The following GRAMD4 variants were observed in gnomAD, a reference collection of about 807,000 sequenced individuals.
The protein encoded by GRAMD4 is GRAM domain containing 4.
Under a neutral mutation model 83.9 loss-of-function variants are expected in GRAMD4, and 25 were observed. That is an observed-to-expected ratio of 0.30 (90% CI 0.22 to 0.42). The LOEUF is 0.42. Ranked by LOEUF, GRAMD4 falls within the 10% of genes least tolerant of loss-of-function variation. GRAMD4 has a pLI of 1.00. For missense variants in GRAMD4, 593 were observed against 788.7 expected (o/e 0.75, Z 2.97); for synonymous variants, 336 against 320.9 (o/e 1.05, Z -0.50).
At chr22:46,663,968 C>A (rs560113551) in intron 7 of GRAMD4, 58 bp from the exon 8 acceptor site, 17 of 1,562,160 alleles carry the variant, frequency 1.1e-5, no homozygotes, top group Admixed American at 5.0e-5. Context: ...TCCAGGGAGA[C>A]GTGGTTAAGC....
chr22:46,658,264 C>T lies in GRAMD4; in HGVS notation c.361C>T (p.Arg121Trp). ...RQELDRERQR[R>W]MELEQKVQEV... ...GGAGCTGGACCGCGAGCGGCAGCGG[C>T]GGATGGAGCTGGAGCAGAAGGTGCA... The change falls in exon 4 of 19, where the codon CGG (arginine) becomes TGG (tryptophan). Residue 121 changes from arginine (R) to tryptophan (W), a missense_variant. Arg to Trp is a moderately radical substitution (Grantham distance 101). Around this residue, in one of 4 missense-constraint regions of GRAMD4, gnomAD observed 312 missense variants for 350.7 expected, o/e 0.89. Transcript: ENST00000406902. The T allele has an allele frequency of 1.2e-6, 2 of 1,613,238 alleles. No individual in the cohort carries two copies. Among genetic ancestry groups the T allele is most frequent in the Non-Finnish European group, 1.7e-6 (2 of 1,179,840 alleles).
intron 1 of GRAMD4, among the ~76,000 whole-genome samples, chr22:46,584,195 A>G (rs2081125076): frequency 6.6e-6 from 1 of 151,788 alleles, no homozygotes; most frequent in Non-Finnish European, 1.5e-5. Context: ...TTCCCTGCCC[A>G]GGCCTAGAGT....
rs975829174 is a variant in GRAMD4 at position 46,659,204 on chromosome 22, C to T, written c.404+897C>T. On this transcript the variant is annotated intron_variant, in intron 4 of 18. Transcript: ENST00000406902. The surrounding 1 kb of genome is among the most constrained non-coding windows in gnomAD (Gnocchi z 4.1). ...CCCTCTCAGCCTCCACTCCAGCAGCCTCCTGCTTCGGCCTCCCTCTCAGCC... is the reference window on the plus strand; with the variant it reads ...CCCTCTCAGCCTCCACTCCAGCAGCTTCCTGCTTCGGCCTCCCTCTCAGCC... Among the ~76,000 whole-genome samples, 1 of 152,108 alleles carries T rather than the reference C, an allele frequency of 6.6e-6. No homozygotes were observed. Among genetic ancestry groups the T allele is most frequent in the Non-Finnish European group, 1.5e-5 (1 of 68,012 alleles).
chr22:46,654,651 C>G (rs2082216460), intron 3 of GRAMD4, among the ~76,000 whole-genome samples: 1 of 152,340 alleles, frequency 6.6e-6, no homozygotes, highest in Middle Eastern at 3.4e-3. Flanking sequence ...TGCCTCCACT[C>G]CGTGCACGGC....
chr22:46,656,941 C>A (rs541761594), intron 3 of GRAMD4, among the ~76,000 whole-genome samples: 127 of 152,266 alleles, frequency 8.3e-4, no homozygotes, highest in Non-Finnish European at 1.4e-3. Flanking sequence ...CCATGGGCCA[C>A]AGCCAGCCCT....
At chr22:46,591,854 C>T (rs1346629813) in intron 1 of GRAMD4, among the ~76,000 whole-genome samples, 1 of 100,440 alleles carries the variant, frequency 1.0e-5, no homozygotes, top group Non-Finnish European at 2.1e-5. Context: ...AAAAAAAAAC[C>T]CAGAAAGGCC....
intron 1 of GRAMD4, among the ~76,000 whole-genome samples, chr22:46,600,657 C>CCGGT (rs2081303891): frequency 6.6e-6 from 1 of 152,124 alleles, no homozygotes; most frequent in Admixed American, 6.5e-5. Flanking sequence ...GTGCTAAGCC[C>CCGGT]CGGTCGCAGA....
At chr22:46,643,179 C>G (rs1327599754) in intron 3 of GRAMD4, among the ~76,000 whole-genome samples, 21 of 122,428 alleles carry the variant, frequency 1.7e-4, no homozygotes, top group East Asian at 2.3e-4. Context: ...ATCCATCCAT[C>G]CATCCATCCA....
chr22:46,658,423 TGGAGA>T (rs1289950996), intron 4 of GRAMD4, 116 bp downstream of exon 4: 3 of 1,023,700 alleles, frequency 2.9e-6, no homozygotes, highest in Non-Finnish European at 4.1e-6. Flanking sequence ...TTCTTGGCCC[TGGAGA>T]GGCCTGAGTG....
chr22:46,599,263 G>A (rs926250252), intron 1 of GRAMD4, among the ~76,000 whole-genome samples: 12 of 152,252 alleles, frequency 7.9e-5, no homozygotes, highest in African/African-American at 2.9e-4. Flanking sequence ...TTTGCAGATG[G>A]CTCGTGATTT....
intron 1 of GRAMD4, among the ~76,000 whole-genome samples, chr22:46,601,284 G>T (rs1271383469): frequency 6.6e-6 from 1 of 152,144 alleles, no homozygotes; most frequent in Non-Finnish European, 1.5e-5. Flanking sequence ...CCGTGCAGCT[G>T]CCAGGGGGCA....
upstream of GRAMD4, among the ~76,000 whole-genome samples, chr22:46,618,925 C>T (rs920853651): frequency 1.3e-5 from 2 of 152,224 alleles, no homozygotes; most frequent in African/African-American, 4.8e-5. The surrounding 1 kb of genome is among the most constrained non-coding windows in gnomAD (Gnocchi z 5.8). Context: ...CTGTGCCAGG[C>T]GTGGCATAGT....
chr22:46,657,757 A>T (rs1385914898), intron 3 of GRAMD4, among the ~76,000 whole-genome samples: 5 of 152,058 alleles, frequency 3.3e-5, no homozygotes, highest in Non-Finnish European at 5.9e-5. Context: ...TCTGCTGCCG[A>T]CGCGTCCCAG....
Position 46,637,871 on chromosome 22 carries a change from G to A in GRAMD4, c.194G>A (p.Gly65Glu). 6.2e-7 allele frequency: 1 copy of A among 1,614,064 alleles called. No homozygotes were observed. The highest frequency in any genetic ancestry group is 1.1e-5 in the South Asian group (1 of 91,080). ...AGPGTLIMAT[G>E]VQDFNRTEFD... ...CCAGGGACCCTCATCATGGCCACAG[G>A]AGTCCAGGACTTTAACCGGACAGAG... The change falls in exon 3 of 19, where the codon GGA becomes GAA. Residue 65 changes from glycine (G) to glutamate (E), a missense_variant. Transcript: ENST00000406902.
chr22:46,596,914 A>T (rs1332335568), intron 1 of GRAMD4, among the ~76,000 whole-genome samples: 1 of 152,176 alleles, frequency 6.6e-6, no homozygotes, highest in Admixed American at 6.5e-5. Flanking sequence ...CCTGTCACTG[A>T]GACCTCCACT....
intron 3 of GRAMD4, among the ~76,000 whole-genome samples, chr22:46,638,427 T>C (rs1278025733): frequency 6.6e-6 from 1 of 152,258 alleles, no homozygotes; most frequent in African/African-American, 2.4e-5. Flanking sequence ...GGCAGTAGGC[T>C]CTGGCGTCCA....
chr22:46,652,274 G>A (rs1013107352), intron 3 of GRAMD4, among the ~76,000 whole-genome samples: 3 of 152,150 alleles, frequency 2.0e-5, no homozygotes, highest in South Asian at 2.1e-4. Context: ...GGGGTTAGAG[G>A]TCACAGTGAC....
At chr22:46,633,654 T>C (rs2081811438) in intron 2 of GRAMD4, among the ~76,000 whole-genome samples, 1 of 152,236 alleles carries the variant, frequency 6.6e-6, no homozygotes, top group African/African-American at 2.4e-5. Context: ...ACTGGCTTCC[T>C]GGGGACCCCA....
At chr22:46,576,127 G>A (rs1056007720), upstream of GRAMD4, 1 of 152,256 alleles carries the variant, frequency 6.6e-6, no homozygotes, top group African/African-American at 2.5e-5. Context: ...GACACAGGAA[G>A]GGCGGGGCAG....
Sources: allele counts gnomAD v4.1 joint callset (sites outside exome capture counted in the v4.1 genomes callset), GRCh38; gene constraint gnomAD v4.1.1; regional missense constraint gnomAD v4.1.1; non-coding constraint Gnocchi (gnomAD v3.1); transcripts MANE v1.5; gene names NCBI Gene and HGNC (gene_info 2026-07-23, HGNC 2026-07-21).